The following LONP2 variants were observed in gnomAD, a reference collection of about 807,000 sequenced individuals.
LONP2 encodes the protein lon peptidase 2, peroxisomal, also known as lon protease homolog 2, peroxisomal.
In LONP2, 60 loss-of-function variants were observed where a neutral mutation model predicts 85.6. The observed-to-expected ratio is 0.70, with a 90% CI of 0.57 to 0.87. The LOEUF (loss-of-function observed/expected upper bound fraction) is 0.87, where lower values mean the gene tolerates loss of function less well. Among genes scored for constraint, LONP2 ranks in the 40% least tolerant of loss-of-function variants. LONP2 has a pLI of 0.00. For missense variants in LONP2, 860 were observed against 1,063.5 expected (o/e 0.81, Z 2.66); for synonymous variants, 395 against 389.7 (o/e 1.01, Z -0.16).
chr16:48,294,748 A>C (rs992079151), intron 8 of LONP2, among the ~76,000 whole-genome samples: 5 of 152,204 alleles, frequency 3.3e-5, no homozygotes, highest in African/African-American at 1.2e-4. Flanking sequence ...AAAACAAAAC[A>C]AAACAAAACA....
rs1960647224 is a variant in LONP2, at chr16:48,362,763, T to A, written c.*900T>A. On this transcript the variant is annotated 3_prime_UTR_variant, in exon 5 of 5. Transcript: ENST00000565867. This position sits in a 1 kb window ranked among gnomAD's most constrained non-coding sequence, Gnocchi z 4.2. ...CAACTAAAGAAACTATACAAGGAAC[T>A]GAAGTTTAATCGAATCCGTTTTGCT... is the stretch of plus-strand genomic sequence containing the variant. 1 of 231,516 alleles carries A rather than the reference T, an allele frequency of 4.3e-6. No individual in the cohort carries two copies. Among genetic ancestry groups the A allele is most frequent in the Non-Finnish European group, 9.2e-6 (1 of 108,688 alleles). The allele number at this position is 231,516 out of a possible 1,614,324, so 14.3% of individuals were successfully genotyped here.
rs149365412 is a variant in LONP2 at position 48,321,022 on chromosome 16, C to T, written c.1796-13194C>T. Among the ~76,000 whole-genome samples, 513 of 152,272 alleles carry T rather than the reference C, an allele frequency of 3.4e-3. 2 individuals carry two copies. Among genetic ancestry groups the T allele is most frequent in the African/African-American group, 0.012 (492 of 41,554 alleles). On this transcript the variant is annotated intron_variant, in intron 11 of 14. Transcript: ENST00000285737. ...GGTTTCAACTTGCTGCAACCTCCAC[C>T]TCACGGGCTTAAGCTGTCCTCCCAC... is the stretch of plus-strand genomic sequence containing the variant.
intron 12 of LONP2, among the ~76,000 whole-genome samples, chr16:48,335,893 T>C (rs1227336712): frequency 6.6e-6 from 1 of 152,220 alleles, no homozygotes; most frequent in Non-Finnish European, 1.5e-5. Context: ...TCTTAAGATA[T>C]CATGGATTTG....
At chr16:48,255,770 T>C (rs1325514966) in intron 2 of LONP2, among the ~76,000 whole-genome samples, 2 of 152,146 alleles carry the variant, frequency 1.3e-5, no homozygotes, top group African/African-American at 4.8e-5. Flanking sequence ...ATAGTTCCCC[T>C]GCACACGCTG....
At chr16:48,291,961 G>A (rs1159419052) in intron 8 of LONP2, among the ~76,000 whole-genome samples, 2 of 152,160 alleles carry the variant, frequency 1.3e-5, no homozygotes, top group Non-Finnish European at 1.5e-5. Flanking sequence ...TGATTGTGAG[G>A]GCTTCAGTAT....
At chr16:48,253,700 C>A (rs1596907478) in intron 2 of LONP2, among the ~76,000 whole-genome samples, 2 of 152,052 alleles carry the variant, frequency 1.3e-5, no homozygotes, top group Non-Finnish European at 2.9e-5. Context: ...TTTTGCTTTG[C>A]TTTTACTTCT....
At chr16:48,250,278 C>T (rs906787837) in intron 1 of LONP2, among the ~76,000 whole-genome samples, 3 of 151,174 alleles carry the variant, frequency 2.0e-5, no homozygotes, top group African/African-American at 4.9e-5. Flanking sequence ...GTCAAGAGAT[C>T]GAGATCATCC....
chr16:48,332,303 T>C (rs978197713), intron 11 of LONP2, among the ~76,000 whole-genome samples: 1 of 152,166 alleles, frequency 6.6e-6, no homozygotes, highest in South Asian at 2.1e-4. Flanking sequence ...TTGCTGGACG[T>C]GGTGGCTCAC....
In LONP2 at chr16:48,322,942, G is replaced by GT. The variant is rs1191493248; in HGVS notation, c.1796-11274_1796-11273insT. On this transcript the variant is annotated intron_variant, in intron 11 of 14. Coordinates refer to ENST00000285737, the MANE Select transcript of LONP2 (RefSeq NM_031490.5). The stretch of plus-strand genomic sequence containing the variant: ...GGGGCTACAACATCACTAGGCAATA[G>GT]GAATCTTTCAGGTCCGTTGTTGTCT... Among the ~76,000 whole-genome samples the GT allele has an allele frequency of 6.6e-5, 10 of 152,182 alleles. No homozygotes were observed. The South Asian group carries it at 1.7e-3, about 25-fold the overall frequency.
At chr16:48,264,987 T>C (rs1471511788) in intron 6 of LONP2, among the ~76,000 whole-genome samples, 1 of 152,134 alleles carries the variant, frequency 6.6e-6, no homozygotes, top group Non-Finnish European at 1.5e-5. Flanking sequence ...ATAATGGCCA[T>C]CCTAACAGGC....
intron 11 of LONP2, among the ~76,000 whole-genome samples, chr16:48,303,544 G>A (rs1972852022): frequency 6.6e-6 from 1 of 152,164 alleles, no homozygotes; most frequent in Non-Finnish European, 1.5e-5. Flanking sequence ...TGAGGATATA[G>A]GAACTGTATT....
At chr16:48,272,748 T>TGTCCCC in intron 7 of LONP2, among the ~76,000 whole-genome samples, 1 of 152,320 alleles carries the variant, frequency 6.6e-6, no homozygotes, top group South Asian at 2.1e-4. Context: ...GATGTTTGAT[T>TGTCCCC]AACTACTATA....
At chr16:48,341,499 GGAC>G (rs113750988) in intron 12 of LONP2, among the ~76,000 whole-genome samples, 1,851 of 152,092 alleles carry the variant, frequency 0.012, 37 homozygotes, top group African/African-American at 0.042. Context: ...ACTATTGCGA[GGAC>G]GACAGTACCA....
Position 48,288,388 on chromosome 16 carries a change from C to G in LONP2, c.1384-7627C>G, listed in dbSNP as rs572296784. Reference sequence around the variant, plus strand: ...TAGGCTGGTCTCGAACTCCTGACCTCGTGATCCATCCGCCTCGGCCTCCCA... The same window carrying G: ...TAGGCTGGTCTCGAACTCCTGACCTGGTGATCCATCCGCCTCGGCCTCCCA... On this transcript the variant is annotated intron_variant, in intron 8 of 14. Transcript: ENST00000285737. Among the ~76,000 whole-genome samples the G allele has an allele frequency of 1.3e-5, 2 of 152,028 alleles. 1 individual carries two copies. Among genetic ancestry groups the G allele is most frequent in the South Asian group, 4.1e-4 (2 of 4,826 alleles).
chr16:48,246,215 C>G (rs1186731104), intron 1 of LONP2, among the ~76,000 whole-genome samples: 1 of 152,162 alleles, frequency 6.6e-6, no homozygotes, highest in Non-Finnish European at 1.5e-5. Context: ...TTTTCTCAAG[C>G]ATGGAAAATA....
chr16:48,335,194 T>G lies in LONP2; in HGVS notation c.1938+836T>G, dbSNP rs184783257. On this transcript the variant is annotated intron_variant, in intron 12 of 14. Transcript: ENST00000285737. ...ATGTGTACTTTAAGGAGGGATTTCT[T>G]TGTGCTATCAAGGGCTTGGGGGAAG... Among the ~76,000 whole-genome samples the G allele has an allele frequency of 8.5e-4, 130 of 152,326 alleles. 1 individual carries two copies. Among genetic ancestry groups the G allele is most frequent in the African/African-American group, 3.1e-3 (128 of 41,556 alleles).
intron 4 of LONP2, among the ~76,000 whole-genome samples, chr16:48,259,161 C>G (rs1971824818): frequency 6.6e-6 from 1 of 152,104 alleles, no homozygotes; most frequent in Non-Finnish European, 1.5e-5. Context: ...TTTATTTAGT[C>G]AAACTCTTGA....
intron 14 of LONP2, 144 bp from the exon 15 acceptor site, chr16:48,351,436 TC>T (rs1960142791): frequency 1.5e-6 from 1 of 653,396 alleles, no homozygotes; most frequent in Admixed American, 2.9e-5. Flanking sequence ...TTCCTGGCTT[TC>T]CTAGCTCATG....
At chr16:48,347,455 A>G (rs2151033065) in intron 12 of LONP2, 52 bp from the exon 13 acceptor site, 1 of 1,566,776 alleles carries the variant, frequency 6.4e-7, no homozygotes, top group Admixed American at 1.7e-5. Flanking sequence ...GTGTGGTATC[A>G]GTCACCTTTA....
Sources: gnomAD v4.1 joint callset for allele counts (sites outside exome capture counted in the v4.1 genomes callset) on GRCh38, gnomAD v4.1.1 for gene constraint, Gnocchi (gnomAD v3.1) non-coding constraint, MANE v1.5 for transcripts, NCBI Gene and HGNC (gene_info 2026-07-23, HGNC 2026-07-21) for gene names.